TMEM26: variants seen among roughly 807,000 people sequenced by gnomAD.
The protein encoded by TMEM26 is transmembrane protein 26.
Under a neutral mutation model 28.8 loss-of-function variants are expected in TMEM26, and 38 were observed. The ratio of observed to expected loss-of-function variants is 1.32; its 90% CI spans 1.02 to 1.73. The LOEUF (loss-of-function observed/expected upper bound fraction) is 1.73. Among genes scored for constraint, TMEM26 ranks in the 40% most tolerant of loss-of-function variants. The pLI, the probability that TMEM26 is intolerant of heterozygous loss-of-function variation, is 0.00. For synonymous variants in TMEM26, 227 were observed against 182.9 expected, an observed-to-expected ratio of 1.24 and a Z score of -1.95; for missense variants, 518 against 447.1, an observed-to-expected ratio of 1.16 and a Z score of -1.43.
chr10:61,430,765 C>T (rs1022604395), intron 3 of TMEM26, among the ~76,000 whole-genome samples: 1 of 151,990 alleles, frequency 6.6e-6, no homozygotes, highest in African/African-American at 2.4e-5. Flanking sequence ...AACAAACGCA[C>T]CACTGTGGTG....
At chr10:61,433,069 G>A (rs376638617) in intron 2 of TMEM26, among the ~76,000 whole-genome samples, 43 of 152,162 alleles carry the variant, frequency 2.8e-4, no homozygotes, top group Admixed American at 1.7e-3. Context: ...TAAAAATGGC[G>A]ACCTTAATAT....
At chr10:61,413,416 G>A (rs769410505) in intron 5 of TMEM26, 43 bp downstream of exon 5, 3 of 1,598,284 alleles carry the variant, frequency 1.9e-6, no homozygotes, top group African/African-American at 2.7e-5. Context: ...ATAATCAAGA[G>A]GTGTAATTTT....
At chr10:61,411,075 T>TG (rs1360428500) in intron 5 of TMEM26, among the ~76,000 whole-genome samples, 1 of 152,036 alleles carries the variant, frequency 6.6e-6, no homozygotes, top group Non-Finnish European at 1.5e-5. Context: ...GGCTGCACCA[T>TG]GGGGGGAATA....
intron 1 of TMEM26, among the ~76,000 whole-genome samples, chr10:61,451,959 C>T (rs183944904): frequency 5.0e-4 from 75 of 149,514 alleles, no homozygotes; most frequent in Admixed American, 2.3e-3. Flanking sequence ...TCTCCTTTCT[C>T]ATAGCATGAG....
At chr10:61,425,577 G>T (rs1217163828) in intron 4 of TMEM26, among the ~76,000 whole-genome samples, 1 of 152,014 alleles carries the variant, frequency 6.6e-6, no homozygotes, top group East Asian at 1.9e-4. Context: ...GATATATAAA[G>T]AATTCTTACA....
chr10:61,410,105 T>A lies in TMEM26; in HGVS notation c.*217A>T. The A allele has an allele frequency of 1.7e-6, 1 of 581,392 alleles. No individual in the cohort carries two copies. The highest frequency in any genetic ancestry group is 3.0e-6 in the Non-Finnish European group (1 of 329,018). The allele number at this position is 581,392 out of a possible 1,614,324, so 36.0% of individuals were successfully genotyped here. ...ACTTAGTCGTTGAACAACTATAACA[T>A]CTGATACCATCACACAGAAGTTGTA... is the stretch of plus-strand genomic sequence containing the variant. On this transcript the variant is annotated 3_prime_UTR_variant, in exon 6 of 6. Coordinates refer to ENST00000399298, the MANE Select transcript of TMEM26 (RefSeq NM_178505.8).
intron 4 of TMEM26, among the ~76,000 whole-genome samples, chr10:61,418,525 C>CAA (rs199711333): frequency 6.6e-6 from 1 of 151,134 alleles, no homozygotes; most frequent in Admixed American, 6.6e-5. Context: ...CTATAGTCAG[C>CAA]AAAAAAACAA....
intron 4 of TMEM26, among the ~76,000 whole-genome samples, chr10:61,426,223 A>G (rs1343175713): frequency 6.6e-6 from 1 of 152,170 alleles, no homozygotes; most frequent in Non-Finnish European, 1.5e-5. Context: ...TTTCTAGGAA[A>G]GAAAAATCCA....
At chr10:61,426,807 T>C (rs1406374851) in intron 4 of TMEM26, among the ~76,000 whole-genome samples, 1 of 152,132 alleles carries the variant, frequency 6.6e-6, no homozygotes, top group East Asian at 1.9e-4. Flanking sequence ...GGAAGGCTTA[T>C]GTCCCAGTTG....
chr10:61,427,653 GC>G (rs1157186321), intron 4 of TMEM26, among the ~76,000 whole-genome samples: 2 of 151,868 alleles, frequency 1.3e-5, no homozygotes, highest in Non-Finnish European at 2.9e-5. Flanking sequence ...TTTATGACTG[GC>G]CCCACAAAAC....
At chr10:61,432,217 A>G (rs1839934060) in intron 2 of TMEM26, among the ~76,000 whole-genome samples, 1 of 152,100 alleles carries the variant, frequency 6.6e-6, no homozygotes, top group Admixed American at 6.6e-5. Context: ...TTTAATCCTG[A>G]CTGTCAAGTA....
intron 4 of TMEM26, chr10:61,414,334 T>G (rs1191003719): frequency 6.6e-6 from 1 of 152,290 alleles, no homozygotes; most frequent in African/African-American, 2.4e-5. Flanking sequence ...GTCATCAATT[T>G]GAGCTTGGTA....
At chr10:61,450,894 TAAAG>T (rs1165315166) in intron 1 of TMEM26, among the ~76,000 whole-genome samples, 1 of 152,074 alleles carries the variant, frequency 6.6e-6, no homozygotes, top group Non-Finnish European at 1.5e-5. Flanking sequence ...AAGAAGAAAA[TAAAG>T]AAAAATCTTT....
At chr10:61,417,998 G>C (rs929125992) in intron 4 of TMEM26, among the ~76,000 whole-genome samples, 1 of 152,026 alleles carries the variant, frequency 6.6e-6, no homozygotes, top group Non-Finnish European at 1.5e-5. Flanking sequence ...AGCTGGCCAA[G>C]CTTCAGGTAA....
intron 4 of TMEM26, among the ~76,000 whole-genome samples, chr10:61,423,586 A>G (rs898844292): frequency 2.0e-5 from 3 of 152,116 alleles, no homozygotes; most frequent in Non-Finnish European, 4.4e-5. Flanking sequence ...CAAAAAATAA[A>G]ACAAATTAGC....
At chr10:61,446,545 G>T (rs1244903111) in intron 1 of TMEM26, among the ~76,000 whole-genome samples, 1 of 151,910 alleles carries the variant, frequency 6.6e-6, no homozygotes, top group East Asian at 1.9e-4. Flanking sequence ...ACTGGGCCAG[G>T]CGCGATGGCT....
rs1179588237 is a variant in TMEM26 at position 61,453,036 on chromosome 10, A to C, written c.46T>G (p.Phe16Val). 1 of 1,613,692 alleles carries C rather than the reference A, an allele frequency of 6.2e-7. No individual in the cohort carries two copies. The highest frequency in any genetic ancestry group is 8.5e-7 in the Non-Finnish European group (1 of 1,180,016). The change falls in exon 1 of 6, where the codon TTC (phenylalanine) becomes GTC (valine). Residue 16 changes from phenylalanine to valine, a missense_variant. Coordinates refer to ENST00000399298, the MANE Select transcript of TMEM26 (RefSeq NM_178505.8). ...ACCCCGACCAGCGAGTGCAGCAGGA[A>C]CAGCAACCGAGTGGCCAGGGCGTTA... ...FLNALATRLL[F>V]LLHSLVGVWR...
chr10:61,436,395 A>G (rs1840009721), intron 1 of TMEM26, 147 bp from the exon 2 acceptor site: 3 of 515,034 alleles, frequency 5.8e-6, no homozygotes, highest in Non-Finnish European at 1.0e-5. Context: ...TGTTTATTTC[A>G]ATGAAGAAAA....
intron 4 of TMEM26, among the ~76,000 whole-genome samples, chr10:61,415,309 C>T (rs951669115): frequency 6.6e-6 from 1 of 152,068 alleles, no homozygotes; most frequent in Non-Finnish European, 1.5e-5. Flanking sequence ...TCATAGGTTG[C>T]TTCACAAGAA....
Sources: gnomAD v4.1 joint callset for allele counts (sites outside exome capture counted in the v4.1 genomes callset) on GRCh38, gnomAD v4.1.1 for gene constraint, MANE v1.5 for transcripts, NCBI Gene and HGNC (gene_info 2026-07-23, HGNC 2026-07-21) for gene names.